EPS15: variants seen among roughly 807,000 people sequenced by gnomAD.
The protein encoded by EPS15 is epidermal growth factor receptor substrate 15.
Under a neutral mutation model 113.8 loss-of-function variants are expected in EPS15, and 72 were observed. The ratio of observed to expected loss-of-function variants is 0.63; its 90% confidence interval spans 0.52 to 0.77. EPS15 has a LOEUF of 0.77. EPS15 is among the 30% of genes least tolerant of loss of function. EPS15 has a pLI of 0.00. For synonymous variants in EPS15, 344 were observed against 363.4 expected, an observed-to-expected ratio of 0.95 and a Z score of 0.61; for missense variants, 1,048 against 1,045.8, an observed-to-expected ratio of 1.00 and a Z score of -0.03.
chr1:51,421,902 C>T (rs997575644), intron 12 of EPS15, 44 bp from the exon 13 acceptor site: 4 of 1,608,960 alleles, frequency 2.5e-6, no homozygotes, highest in Non-Finnish European at 2.5e-6. Flanking sequence ...AGAACATCAG[C>T]TACAGCTGGT....
In EPS15 at chr1:51,481,397, A is replaced by G. The variant is rs1335129547; in HGVS notation, c.34-83T>C. ...TTGGCATTCATTCAACAGATATTTG[A>G]GAAACAAAGATGAATAAGATAAAAT... On this transcript the variant is annotated intron_variant, in intron 1 of 24. Coordinates refer to ENST00000371733, the MANE Select transcript of EPS15 (RefSeq NM_001981.3). 3 of 726,516 alleles carry G rather than the reference A, an allele frequency of 4.1e-6. No homozygotes were observed. In the African/African-American group the frequency reaches 5.4e-5, roughly 13 times the overall value. 45.0% of individuals were successfully genotyped at this position (726,516 alleles called of 1,614,324 possible). A position where few individuals can be genotyped will look rare whatever the true frequency, so the allele number is the denominator to read the frequency against.
chr1:51,450,794 G>A (rs1424326267), intron 8 of EPS15, among the ~76,000 whole-genome samples: 1 of 151,686 alleles, frequency 6.6e-6, no homozygotes, highest in Non-Finnish European at 1.5e-5. Context: ...GCACCCAAAT[G>A]CCCATCTACA....
At position 51,471,750 on chromosome 1, in the gene EPS15, G is replaced by A; in HGVS notation, c.166-13C>T. On this transcript the variant is annotated splice_polypyrimidine_tract_variant and intron_variant, in intron 3 of 24. Transcript: ENST00000371733. The stretch of plus-strand genomic sequence containing the variant: ...CTAAATCCCAAATCTGAAATTTAGG[G>A]GGAAAAAATATCAATGTATATTTTA... 1 of 1,590,932 alleles carries A rather than the reference G, an allele frequency of 6.3e-7. No individual in the cohort carries two copies. Among genetic ancestry groups the A allele is most frequent in the Non-Finnish European group, 8.6e-7 (1 of 1,160,724 alleles).
At chr1:51,493,697 C>G (rs918376529) in intron 1 of EPS15, among the ~76,000 whole-genome samples, 9 of 151,564 alleles carry the variant, frequency 5.9e-5, no homozygotes, top group African/African-American at 2.2e-4. Context: ...CGGCTCACTG[C>G]AACCTCCGCC....
At chr1:51,386,262 A>C (rs1557787675) in intron 21 of EPS15, among the ~76,000 whole-genome samples, 1 of 152,228 alleles carries the variant, frequency 6.6e-6, no homozygotes, top group East Asian at 1.9e-4. Flanking sequence ...TGAAAAGGAA[A>C]CAGATAAGAG....
intron 16 of EPS15, among the ~76,000 whole-genome samples, chr1:51,404,407 A>G (rs1648900050): frequency 6.6e-6 from 1 of 152,054 alleles, no homozygotes; most frequent in Non-Finnish European, 1.5e-5. Flanking sequence ...GCAGGGCAAT[A>G]GCTACTTTAT....
chr1:51,386,192 T>C (rs1432961805), intron 21 of EPS15, among the ~76,000 whole-genome samples: 1 of 152,252 alleles, frequency 6.6e-6, no homozygotes, highest in African/African-American at 2.4e-5. Context: ...TTCAGGTTCT[T>C]GGGTTATATC....
intron 8 of EPS15, among the ~76,000 whole-genome samples, chr1:51,460,428 A>G (rs1654352976): frequency 6.6e-6 from 1 of 152,214 alleles, no homozygotes. Context: ...TTTCCTTTAA[A>G]TGAAATAAAA....
intron 5 of EPS15, among the ~76,000 whole-genome samples, chr1:51,465,814 G>A: frequency 6.6e-6 from 1 of 151,772 alleles, no homozygotes; most frequent in East Asian, 1.9e-4. Context: ...AAACATAAAA[G>A]TGCAGAAATT....
At chr1:51,442,671 T>G (rs1652684545) in intron 11 of EPS15, among the ~76,000 whole-genome samples, 1 of 152,160 alleles carries the variant, frequency 6.6e-6, no homozygotes, top group Non-Finnish European at 1.5e-5. Context: ...CAGACTAAAA[T>G]GCACACAAGG....
intron 8 of EPS15, chr1:51,458,709 C>G (rs544959537): frequency 3.8e-6 from 1 of 263,016 alleles, no homozygotes; most frequent in African/African-American, 2.4e-5. Context: ...TGCACTCCAG[C>G]CTGAGTGACA....
At chr1:51,407,390 A>G (rs543504990) in intron 15 of EPS15, among the ~76,000 whole-genome samples, 49 of 152,056 alleles carry the variant, frequency 3.2e-4, no homozygotes, top group African/African-American at 1.1e-3. Context: ...GTAGAAACAG[A>G]GTTTGGCCAT....
At chr1:51,439,120 A>T (rs893361709) in intron 12 of EPS15, among the ~76,000 whole-genome samples, 3 of 152,134 alleles carry the variant, frequency 2.0e-5, no homozygotes, top group Non-Finnish European at 4.4e-5. Context: ...GAGAAAGTCT[A>T]TCTGAGAATG....
intron 1 of EPS15, among the ~76,000 whole-genome samples, chr1:51,504,255 A>G (rs913954085): frequency 5.9e-5 from 9 of 152,062 alleles, no homozygotes; most frequent in African/African-American, 2.2e-4. Flanking sequence ...AAAAATATAA[A>G]AACAATTAGC....
At chr1:51,421,914 T>C in intron 12 of EPS15, 56 bp from the exon 13 acceptor site, 1 of 1,606,958 alleles carries the variant, frequency 6.2e-7, no homozygotes, top group Non-Finnish European at 8.5e-7. Flanking sequence ...ACAGCTGGTA[T>C]GGTTATCCAT....
At chr1:51,468,629 C>A (rs1215998460) in intron 4 of EPS15, 61 bp from the exon 5 acceptor site, 1 of 972,470 alleles carries the variant, frequency 1.0e-6, no homozygotes, top group Non-Finnish European at 1.6e-6. Context: ...CCTACCTGCA[C>A]AAATACTTAC....
intron 12 of EPS15, among the ~76,000 whole-genome samples, chr1:51,437,743 A>AAT (rs1652273102): frequency 6.6e-6 from 1 of 152,124 alleles, no homozygotes; most frequent in Admixed American, 6.6e-5. Flanking sequence ...TCGGCCCCGC[A>AAT]AAGTACTGGG....
At chr1:51,476,362 T>C (rs981070678) in intron 2 of EPS15, among the ~76,000 whole-genome samples, 1 of 152,320 alleles carries the variant, frequency 6.6e-6, no homozygotes, top group East Asian at 1.9e-4. Context: ...TTTGTTTGTG[T>C]CCTCTTTTAT....
At chr1:51,508,248 AAGAGAGAGAGAGAG>A (rs151142424) in intron 1 of EPS15, among the ~76,000 whole-genome samples, 7 of 103,958 alleles carry the variant, frequency 6.7e-5, no homozygotes, top group South Asian at 3.1e-4. Context: ...GAAAGAGAGA[AAGAGAGAGAGAGAG>A]AGAGAGAGAG....
Sources: gnomAD v4.1 joint callset for allele counts (sites outside exome capture counted in the v4.1 genomes callset) on GRCh38, gnomAD v4.1.1 for gene constraint, MANE v1.5 for transcripts, NCBI Gene and HGNC (gene_info 2026-07-23, HGNC 2026-07-21) for gene names.